The following MYOM2 variants were observed in gnomAD, a reference collection of about 807,000 sequenced individuals.
The protein encoded by MYOM2 is myomesin 2.
In MYOM2, 254 loss-of-function variants were observed where a neutral mutation model predicts 187.6. The ratio of observed to expected loss-of-function variants is 1.35; its 90% CI spans 1.22 to 1.50. MYOM2 has a LOEUF of 1.50. Ranked by LOEUF, MYOM2 falls within the 40% of genes most tolerant of loss-of-function variation. MYOM2 has a pLI of 0.00. For missense variants in MYOM2, 2,796 were observed against 1,924.0 expected (o/e 1.45, Z -8.48); for synonymous variants, 981 against 753.8 (o/e 1.30, Z -4.94).
In MYOM2 at chr8:2,138,050, T is replaced by C. The variant is rs114330388; in HGVS notation, c.3801-2673T>C. Among the ~76,000 whole-genome samples, 1,495 of 152,312 alleles carry C rather than the reference T, an allele frequency of 9.8e-3. 37 individuals carry two copies. The highest frequency in any genetic ancestry group is 0.034 in the African/African-American group (1,433 of 41,568). ...CATGTAAAGTCTAATTTTCCTTTTATACACAGGGATGAGTAGGTCTGAGTG... is the reference window on the plus strand; with the variant it reads ...CATGTAAAGTCTAATTTTCCTTTTACACACAGGGATGAGTAGGTCTGAGTG... On this transcript the variant is annotated intron_variant, in intron 32 of 36. Coordinates refer to ENST00000262113, the MANE Select transcript of MYOM2 (RefSeq NM_003970.4).
At chr8:2,120,680 T>TATATATATATATATATCTATATAATA in intron 28 of MYOM2, among the ~76,000 whole-genome samples, 1 of 48,300 alleles carries the variant, frequency 2.1e-5, no homozygotes, top group African/African-American at 6.6e-5. Flanking sequence ...ATATATTATA[T>TATATATATATATATATCTATATAATA]TATATATAAA....
At chr8:2,091,080 C>G (rs1345919408) in intron 15 of MYOM2, among the ~76,000 whole-genome samples, 1 of 120,602 alleles carries the variant, frequency 8.3e-6, no homozygotes, top group African/African-American at 3.2e-5. Context: ...AATAGTTGAA[C>G]TAATTTACAT....
intron 32 of MYOM2, among the ~76,000 whole-genome samples, chr8:2,137,118 G>T (rs79579426): frequency 1.3e-5 from 2 of 150,964 alleles, no homozygotes; most frequent in East Asian, 1.9e-4. Flanking sequence ...GAACATCTTC[G>T]TCTATACATC....
At chr8:2,135,192 G>A (rs892346417) in intron 32 of MYOM2, among the ~76,000 whole-genome samples, 2 of 152,114 alleles carry the variant, frequency 1.3e-5, no homozygotes, top group Non-Finnish European at 2.9e-5. Flanking sequence ...TTCAGAATTA[G>A]TAACTCATAT....
intron 8 of MYOM2, 98 bp from the exon 9 acceptor site, chr8:2,072,247 A>AG: frequency 2.6e-6 from 1 of 391,656 alleles, no homozygotes; most frequent in Non-Finnish European, 3.7e-6. Context: ...CCCCGCCCCC[A>AG]AAAAAGAAAG....
intron 8 of MYOM2, 71 bp downstream of exon 8, chr8:2,069,568 G>C: frequency 6.4e-7 from 1 of 1,566,754 alleles, no homozygotes; most frequent in East Asian, 2.2e-5. Context: ...TGAAAACATG[G>C]TTTCCTAAGG....
chr8:2,117,526 C>A (rs970993525), intron 27 of MYOM2, among the ~76,000 whole-genome samples: 8 of 152,160 alleles, frequency 5.3e-5, no homozygotes, highest in Admixed American at 2.0e-4. Flanking sequence ...TTCAGTTAGA[C>A]ATATACTTTG....
chr8:2,048,912 C>G (rs900489139), intron 1 of MYOM2, among the ~76,000 whole-genome samples: 9 of 152,092 alleles, frequency 5.9e-5, no homozygotes, highest in African/African-American at 1.9e-4. Flanking sequence ...GCCTCAGCCT[C>G]CCGAGTAGCT....
At chr8:2,060,881 G>C (rs1818830576) in intron 6 of MYOM2, among the ~76,000 whole-genome samples, 1 of 152,112 alleles carries the variant, frequency 6.6e-6, no homozygotes, top group South Asian at 2.1e-4. Flanking sequence ...AGAGAAACCG[G>C]GCTCAGCTCT....
intron 28 of MYOM2, among the ~76,000 whole-genome samples, chr8:2,121,265 G>A (rs1225148071): frequency 6.6e-6 from 1 of 152,136 alleles, no homozygotes; most frequent in African/African-American, 2.4e-5. Context: ...ACTTGGTTAT[G>A]GTGCTGGTTT....
chr8:2,050,703 G>A (rs890010094), intron 1 of MYOM2, 52 bp from the exon 2 acceptor site: 1 of 1,046,610 alleles, frequency 9.6e-7, no homozygotes. Flanking sequence ...AATGGCAGAG[G>A]CCTCATGATG....
rs138502512 is a variant in MYOM2, at chr8:2,130,498, A to G, written c.3800+1266A>G. 4.6e-3 allele frequency among the ~76,000 whole-genome samples: 700 copies of G among 152,320 alleles called. 13 individuals carry two copies. Among genetic ancestry groups the G allele is most frequent in the East Asian group, 0.044 (227 of 5,182 alleles). ...AATGAATATTTCCAAAGGAAAATCA[A>G]TGGTTATGACTATTTCACTTTTAAT... On this transcript the variant is annotated intron_variant, in intron 32 of 36. Transcript: ENST00000262113.
At chr8:2,065,926 C>T (rs557787971) in intron 6 of MYOM2, among the ~76,000 whole-genome samples, 21 of 152,238 alleles carry the variant, frequency 1.4e-4, no homozygotes, top group East Asian at 9.7e-4. Flanking sequence ...GTGCAGCACA[C>T]GGGGGAGATT....
At chr8:2,106,625 TGTTTTG>T in intron 23 of MYOM2, 28 bp downstream of exon 23, 1 of 1,514,374 alleles carries the variant, frequency 6.6e-7, no homozygotes, top group Non-Finnish European at 9.0e-7. Flanking sequence ...GAACCTTGCC[TGTTTTG>T]GTTTTATCAC....
chr8:2,141,722 T>A (rs1798279361), intron 34 of MYOM2, among the ~76,000 whole-genome samples: 1 of 152,090 alleles, frequency 6.6e-6, no homozygotes, highest in South Asian at 2.1e-4. Context: ...GGAGGTGTCA[T>A]TTGTGGTTTA....
intron 6 of MYOM2, among the ~76,000 whole-genome samples, chr8:2,063,016 G>A (rs896164370): frequency 6.6e-6 from 1 of 152,150 alleles, no homozygotes; most frequent in South Asian, 2.1e-4. Context: ...CCTAATATAG[G>A]TCTCCTCTGA....
intron 13 of MYOM2, among the ~76,000 whole-genome samples, chr8:2,080,134 T>C (rs1819570460): frequency 6.6e-6 from 1 of 152,230 alleles, no homozygotes; most frequent in African/African-American, 2.4e-5. Context: ...TTAGAAAGAA[T>C]GACGTGTTAA....
At chr8:2,117,054 C>T (rs1381261504) in intron 27 of MYOM2, among the ~76,000 whole-genome samples, 11 of 152,204 alleles carry the variant, frequency 7.2e-5, no homozygotes, top group East Asian at 1.9e-4. Flanking sequence ...TGATCCACTG[C>T]GCCCAGCCTC....
At chr8:2,055,479 C>T (rs1394549546) in intron 3 of MYOM2, among the ~76,000 whole-genome samples, 1 of 152,176 alleles carries the variant, frequency 6.6e-6, no homozygotes, top group Non-Finnish European at 1.5e-5. Context: ...AGACTGTTCC[C>T]TAAACATTGT....
Sources: gnomAD v4.1 joint callset for allele counts (sites outside exome capture counted in the v4.1 genomes callset) on GRCh38, gnomAD v4.1.1 for gene constraint, MANE v1.5 for transcripts, NCBI Gene and HGNC (gene_info 2026-07-23, HGNC 2026-07-21) for gene names.